ZBTB16: variants seen among roughly 807,000 people sequenced by gnomAD.
ZBTB16 encodes zinc finger and BTB domain-containing protein 16.
A neutral mutation model predicts 56.8 loss-of-function variants in ZBTB16; 8 were observed. The observed-to-expected ratio is 0.14, with a 90% CI of 0.08 to 0.25. The LOEUF (loss-of-function observed/expected upper bound fraction) is 0.25. ZBTB16 is among the 10% of genes least tolerant of loss of function. The pLI is 1.00. For missense variants in ZBTB16, 625 were observed against 903.0 expected (o/e 0.69, Z 3.95); for synonymous variants, 363 against 368.5 (o/e 0.98, Z 0.17).
rs746345463 is a variant in ZBTB16 at position 114,064,232 on chromosome 11, A to T, written c.932A>T (p.Glu311Val). Residue 311 changes from glutamate to valine, a missense_variant, in exon 2 of 7, where the codon GAG becomes GTG. Glu to Val is a moderately radical substitution (Grantham distance 121, BLOSUM62 -2). Transcript: ENST00000335953. This position sits in a 1 kb window ranked among gnomAD's most constrained non-coding sequence, Gnocchi z 4.2. ...ESAEQVPPPA[E>V]AGQAPTGRPE... ...GCCGAGCAGGTGCCACCCCCAGCTG[A>T]GGCTGGCCAGGCCCCCACTGGCCGA... The T allele has an allele frequency of 1.2e-6, 2 of 1,613,974 alleles. No homozygotes were observed. Among genetic ancestry groups the T allele is most frequent in the Non-Finnish European group, 1.7e-6 (2 of 1,180,012 alleles).
intron 3 of ZBTB16, among the ~76,000 whole-genome samples, chr11:114,168,655 C>T (rs989319406): frequency 6.6e-6 from 1 of 152,190 alleles, no homozygotes. Context: ...CTGTGTCTTG[C>T]TTTTCTATTA....
rs974558673 is a variant in ZBTB16 at position 114,167,419 on chromosome 11, C to G, written c.1366+10985C>G. Reference sequence around the variant, plus strand: ...TTTTTTTTAAATTCTCCCTCTACCCCTTGCTTTTTTTTTTTTTAACTGATT... The same window carrying G: ...TTTTTTTTAAATTCTCCCTCTACCCGTTGCTTTTTTTTTTTTTAACTGATT... On this transcript the variant is annotated intron_variant, in intron 3 of 6. Coordinates refer to ENST00000335953, the MANE Select transcript of ZBTB16 (RefSeq NM_006006.6). 2.6e-4 allele frequency among the ~76,000 whole-genome samples: 5 copies of G among 19,094 alleles called. No individual in the cohort carries two copies. In the Admixed American group the frequency reaches 3.4e-3, roughly 13 times the overall value. The allele number at this position is 19,094 out of a possible 152,430, so 12.5% of individuals were successfully genotyped here.
intron 4 of ZBTB16, among the ~76,000 whole-genome samples, chr11:114,233,041 C>CGCCT (rs1944474326): frequency 6.7e-6 from 1 of 149,828 alleles, no homozygotes; most frequent in Admixed American, 6.6e-5. Context: ...ATCCCCGGCC[C>CGCCT]CACCCACTCT....
At chr11:114,176,623 G>T (rs903887487) in intron 3 of ZBTB16, among the ~76,000 whole-genome samples, 1 of 152,196 alleles carries the variant, frequency 6.6e-6, no homozygotes, top group Non-Finnish European at 1.5e-5. Context: ...GTATGCATTT[G>T]AGCTCTCGTG....
At chr11:114,084,669 C>A (rs771094016) in intron 2 of ZBTB16, among the ~76,000 whole-genome samples, 4 of 152,114 alleles carry the variant, frequency 2.6e-5, no homozygotes, top group African/African-American at 9.7e-5. Flanking sequence ...CATCCCAGAG[C>A]CCTGTTCCTC....
intron 4 of ZBTB16, among the ~76,000 whole-genome samples, chr11:114,237,706 CA>C (rs35544421): frequency 0.2 from 29,910 of 152,254 alleles, 3,431 homozygotes; most frequent in South Asian, 0.29. Context: ...TACATGCGAA[CA>C]ATCAGCTAGG....
At chr11:114,210,196 TGCGC>T (rs1555155995) in intron 4 of ZBTB16, among the ~76,000 whole-genome samples, 1 of 151,156 alleles carries the variant, frequency 6.6e-6, no homozygotes, top group Non-Finnish European at 1.5e-5. Context: ...TGTGTGTGCG[TGCGC>T]GCGCGTGCAC....
At chr11:114,147,301 A>T (rs1435191127) in intron 2 of ZBTB16, among the ~76,000 whole-genome samples, 1 of 152,226 alleles carries the variant, frequency 6.6e-6, no homozygotes, top group South Asian at 2.1e-4. Flanking sequence ...GTGGAAACAT[A>T]TAAAAATGAT....
chr11:114,202,760 A>C (rs1287895404), intron 4 of ZBTB16, among the ~76,000 whole-genome samples: 1 of 152,082 alleles, frequency 6.6e-6, no homozygotes, highest in Non-Finnish European at 1.5e-5. Context: ...CCCCGGGGTG[A>C]GGGGGCAGAG....
intron 2 of ZBTB16, among the ~76,000 whole-genome samples, chr11:114,123,046 C>G (rs951478353): frequency 6.6e-6 from 1 of 152,124 alleles, no homozygotes. Flanking sequence ...TCCTTCTCGC[C>G]GAGTCCTCCC....
chr11:114,123,696 T>A (rs1340445011), intron 2 of ZBTB16, among the ~76,000 whole-genome samples: 3 of 152,164 alleles, frequency 2.0e-5, no homozygotes, highest in African/African-American at 7.2e-5. Flanking sequence ...TTGTACTTTC[T>A]GAGGAGCAGT....
intron 2 of ZBTB16, among the ~76,000 whole-genome samples, chr11:114,098,887 A>C (rs1247028177): frequency 6.6e-6 from 1 of 152,184 alleles, no homozygotes; most frequent in African/African-American, 2.4e-5. Context: ...TGGAAATGCT[A>C]ATGATTATTT....
At chr11:114,233,391 C>T (rs1183671878) in intron 4 of ZBTB16, among the ~76,000 whole-genome samples, 1 of 151,954 alleles carries the variant, frequency 6.6e-6, no homozygotes, top group African/African-American at 2.4e-5. Flanking sequence ...ATGTTGCTGT[C>T]GGTGTGGCAC....
At chr11:114,077,142 C>G (rs1336673490) in intron 2 of ZBTB16, among the ~76,000 whole-genome samples, 1 of 152,158 alleles carries the variant, frequency 6.6e-6, no homozygotes, top group Non-Finnish European at 1.5e-5. Context: ...TGCTTACTTC[C>G]TGTGTAAATT....
intron 2 of ZBTB16, among the ~76,000 whole-genome samples, chr11:114,147,407 A>T (rs1942138383): frequency 6.6e-6 from 1 of 152,260 alleles, no homozygotes; most frequent in African/African-American, 2.4e-5. Context: ...CTGTTTTCCC[A>T]GAAATCGGTT....
chr11:114,141,052 A>C (rs1285422752), intron 2 of ZBTB16, among the ~76,000 whole-genome samples: 1 of 151,766 alleles, frequency 6.6e-6, no homozygotes, highest in East Asian at 1.9e-4. Flanking sequence ...TCATCAGCCC[A>C]CTCTACCGCC....
intron 2 of ZBTB16, among the ~76,000 whole-genome samples, chr11:114,118,381 T>C (rs1254970105): frequency 1.3e-5 from 2 of 152,188 alleles, no homozygotes; most frequent in Non-Finnish European, 2.9e-5. Context: ...TTTACCATGT[T>C]GGCCAGACTG....
chr11:114,152,828 G>A (rs1181793645), intron 2 of ZBTB16, among the ~76,000 whole-genome samples: 1 of 152,198 alleles, frequency 6.6e-6, no homozygotes, highest in African/African-American at 2.4e-5. Context: ...TCACAGTGGA[G>A]GCTGATAATC....
At chr11:114,231,629 A>G (rs1257163033) in intron 4 of ZBTB16, among the ~76,000 whole-genome samples, 1 of 152,234 alleles carries the variant, frequency 6.6e-6, no homozygotes, top group East Asian at 1.9e-4. Context: ...GGTTGAACCT[A>G]GATTGGCACC....
Sources: allele counts gnomAD v4.1 joint callset (sites outside exome capture counted in the v4.1 genomes callset), GRCh38; gene constraint gnomAD v4.1.1; non-coding constraint Gnocchi (gnomAD v3.1); transcripts MANE v1.5; gene names NCBI Gene and HGNC (gene_info 2026-07-23, HGNC 2026-07-21).